MUC13: variants seen among roughly 807,000 people sequenced by gnomAD.
The protein encoded by MUC13 is mucin 13, cell surface associated, also known as mucin-13.
MUC13 carries 32 observed loss-of-function variants against 48.3 expected under a neutral mutation model. The observed-to-expected ratio is 0.66, with a 90% CI of 0.50 to 0.89. The LOEUF (loss-of-function observed/expected upper bound fraction) is 0.89, where lower values mean the gene tolerates loss of function less well. MUC13 is among the 40% of genes least tolerant of loss of function. The pLI is 0.00. For missense variants in MUC13, 571 were observed against 622.8 expected (o/e 0.92, Z 0.88); for synonymous variants, 199 against 224.9 (o/e 0.88, Z 1.03).
rs560883618 is a variant in MUC13 at position 124,913,356 on chromosome 3, C to T, written c.1085-116G>A. ...TGCTTTTTCTAGGTAAAATGAGATG[C>T]TTATTGACTCCACACATGATGTGCC... On this transcript the variant is annotated intron_variant, in intron 7 of 11. Transcript: ENST00000616727. The T allele has an allele frequency of 2.4e-5, 35 of 1,476,888 alleles. No individual in the cohort carries two copies. In the East Asian group the frequency reaches 7.6e-4, roughly 32 times the overall value. The allele number at this position is 1,476,888 out of a possible 1,614,324, so 91.5% of individuals were successfully genotyped here.
Position 124,928,331 on chromosome 3 carries a change from A to G in MUC13, c.53-338T>C, listed in dbSNP as rs74512370. Among the ~76,000 whole-genome samples the G allele has an allele frequency of 7.7e-4, 118 of 152,342 alleles. 3 individuals carry two copies. The East Asian group carries it at 0.019, about 25-fold the overall frequency. On this transcript the variant is annotated intron_variant, in intron 1 of 11. Coordinates refer to ENST00000616727, the MANE Select transcript of MUC13 (RefSeq NM_033049.4). ...AAATAACATTAAAAATTAAACAGAC[A>G]AAACTGGAAAAAATGTTATTGAAAA... is the stretch of plus-strand genomic sequence containing the variant.
intron 1 of MUC13, among the ~76,000 whole-genome samples, chr3:124,932,362 C>T (rs1935812807): frequency 6.6e-6 from 1 of 152,026 alleles, no homozygotes; most frequent in African/African-American, 2.4e-5. Context: ...GGTCAAGAGT[C>T]TGAGACCAGC....
chr3:124,929,421 AAAGGTTT>A (rs1424689442), intron 1 of MUC13, among the ~76,000 whole-genome samples: 1 of 152,190 alleles, frequency 6.6e-6, no homozygotes, highest in Non-Finnish European at 1.5e-5. Context: ...ATTGAAAGAA[AAAGGTTT>A]AGTGAGGAAG....
At position 124,910,856 on chromosome 3, in the gene MUC13, T is replaced by G. The variant is rs569797701; in HGVS notation, c.1253-357A>C. Among the ~76,000 whole-genome samples, 77 of 152,308 alleles carry G rather than the reference T, an allele frequency of 5.1e-4. 4 individuals carry two copies. In the South Asian group the frequency reaches 0.011, roughly 21 times the overall value. On this transcript the variant is annotated intron_variant, in intron 9 of 11. Transcript: ENST00000616727. ...GCCTGCCCTCCATACCTCACCTTACTGATAAGCTAAGGAAACTAGGTTGGA... is the reference window on the plus strand; with the variant it reads ...GCCTGCCCTCCATACCTCACCTTACGGATAAGCTAAGGAAACTAGGTTGGA...
chr3:124,933,396 C>G (rs1009777597), intron 1 of MUC13, among the ~76,000 whole-genome samples: 1 of 152,132 alleles, frequency 6.6e-6, no homozygotes, highest in African/African-American at 2.4e-5. Flanking sequence ...AAGGACTGAT[C>G]CACCAAAGAA....
chr3:124,915,317 C>A (rs558310843), intron 6 of MUC13, among the ~76,000 whole-genome samples: 3 of 152,156 alleles, frequency 2.0e-5, no homozygotes, highest in Non-Finnish European at 4.4e-5. Flanking sequence ...CTTGGTAATG[C>A]GAATTGCTTT....
intron 6 of MUC13, among the ~76,000 whole-genome samples, chr3:124,914,362 A>G (rs1304301265): frequency 6.6e-6 from 1 of 151,996 alleles, no homozygotes; most frequent in Non-Finnish European, 1.5e-5. Flanking sequence ...GTGAGCCGAG[A>G]TCGTGCCATT....
intron 1 of MUC13, among the ~76,000 whole-genome samples, chr3:124,930,336 C>T (rs1335664465): frequency 1.7e-5 from 2 of 118,148 alleles, no homozygotes; most frequent in East Asian, 4.9e-4. Flanking sequence ...CAATTCATTG[C>T]TGTGAATAGC....
At chr3:124,934,005 G>A (rs1223043610) in intron 1 of MUC13, among the ~76,000 whole-genome samples, 2 of 152,160 alleles carry the variant, frequency 1.3e-5, no homozygotes, top group Admixed American at 6.5e-5. Context: ...GTGAAAGGAG[G>A]CTTTTTGCTG....
At chr3:124,925,277 G>T (rs1259350664) in intron 2 of MUC13, among the ~76,000 whole-genome samples, 1 of 152,182 alleles carries the variant, frequency 6.6e-6, no homozygotes, top group Non-Finnish European at 1.5e-5. Context: ...GCAAAACTGT[G>T]GAGACAGTAA....
chr3:124,926,574 C>A (rs1184405149), intron 2 of MUC13, among the ~76,000 whole-genome samples: 2 of 152,128 alleles, frequency 1.3e-5, no homozygotes, highest in Non-Finnish European at 1.5e-5. Flanking sequence ...GAGGAAGCTA[C>A]CAGAAGTTAA....
At position 124,927,759 on chromosome 3, in the gene MUC13, G is replaced by C. The variant is rs1935715512; in HGVS notation, c.287C>G (p.Ser96Cys). Residue 96 changes from serine (S) to cysteine (C), a missense_variant, in exon 2 of 12, where the codon TCC becomes TGC. By Grantham distance (112) the Ser-to-Cys change is moderately radical. Transcript: ENST00000616727. ...APPIISTHSSSTIPIPTAADS... is the reference protein window; with the variant it reads ...APPIISTHSSCTIPIPTAADS... ...TGCAGCAGTAGGTATAGGAATTGTG[G>C]AGGAACTATGTGTACTAATTATGGG... is the stretch of plus-strand genomic sequence containing the variant. 6.2e-7 allele frequency: 1 copy of C among 1,606,638 alleles called. No individual in the cohort carries two copies. The highest frequency in any genetic ancestry group is 1.3e-5 in the African/African-American group (1 of 74,304).
At chr3:124,933,636 A>G (rs924708819) in intron 1 of MUC13, among the ~76,000 whole-genome samples, 3 of 152,226 alleles carry the variant, frequency 2.0e-5, no homozygotes, top group Non-Finnish European at 4.4e-5. Flanking sequence ...CCCTTCTTCC[A>G]TAACTTGTTT....
Position 124,927,841 on chromosome 3 carries a change from G to T in MUC13, c.205C>A (p.Pro69Thr). ...NTPSFPTATS[P>T]APPIISTHSS... is the part of the protein sequence containing the mutation. Reference sequence around the variant, plus strand: ...TGTGTACTAATTATGGGGGGAGCAGGTGAAGTAGCTGTTGGGAAAGAAGGT... The same window carrying T: ...TGTGTACTAATTATGGGGGGAGCAGTTGAAGTAGCTGTTGGGAAAGAAGGT... Residue 69 changes from proline to threonine, a missense_variant, in exon 2 of 12, where the codon CCT becomes ACT. By Grantham distance (38) the Pro-to-Thr change is conservative (BLOSUM62 -1). Coordinates refer to ENST00000616727, the MANE Select transcript of MUC13 (RefSeq NM_033049.4). 1.9e-6 allele frequency: 3 copies of T among 1,614,060 alleles called. No individual in the cohort carries two copies. Among genetic ancestry groups the T allele is most frequent in the Non-Finnish European group, 1.7e-6 (2 of 1,180,000 alleles).
intron 3 of MUC13, 109 bp downstream of exon 3, chr3:124,923,418 T>C: frequency 8.1e-7 from 1 of 1,232,572 alleles, no homozygotes; most frequent in East Asian, 2.4e-5. Flanking sequence ...CTCTGCATTT[T>C]CTTTATCTCT....
chr3:124,924,199 A>G (rs1227777296), intron 2 of MUC13, among the ~76,000 whole-genome samples: 3 of 152,248 alleles, frequency 2.0e-5, no homozygotes, highest in Non-Finnish European at 2.9e-5. Flanking sequence ...TAACTCAGTG[A>G]AAATTCTAAG....
intron 10 of MUC13, among the ~76,000 whole-genome samples, chr3:124,909,021 G>C (rs1448289576): frequency 6.6e-6 from 1 of 152,108 alleles, no homozygotes; most frequent in African/African-American, 2.4e-5. Context: ...AGGCACAGTG[G>C]CATGTGCCTC....
intron 2 of MUC13, 83 bp from the exon 3 acceptor site, chr3:124,923,732 C>A: frequency 1.4e-6 from 2 of 1,429,590 alleles, no homozygotes; most frequent in African/African-American, 1.4e-5. Flanking sequence ...ATCTTCATGC[C>A]TCCCCCCTGG....
intron 11 of MUC13, among the ~76,000 whole-genome samples, chr3:124,907,644 TTATATATA>T (rs766187013): frequency 1.4e-5 from 2 of 142,546 alleles, no homozygotes; most frequent in African/African-American, 5.1e-5. Context: ...CAAATAGAAC[TTATATATA>T]TATATAGAGA....
Sources: allele counts gnomAD v4.1 joint callset (sites outside exome capture counted in the v4.1 genomes callset), GRCh38; gene constraint gnomAD v4.1.1; transcripts MANE v1.5; gene names NCBI Gene and HGNC (gene_info 2026-07-23, HGNC 2026-07-21).